Variants in RELN observed in about 807,000 individuals in gnomAD.
The protein encoded by RELN is reelin.
Under a neutral mutation model 427.6 loss-of-function variants are expected in RELN, and 108 were observed. That is an observed-to-expected ratio of 0.25 (90% CI 0.22 to 0.30). The LOEUF is 0.30. Ranked by LOEUF, RELN falls within the 10% of genes least tolerant of loss-of-function variation. The probability of loss-of-function intolerance (pLI) is 1.00; values close to 1 mark genes in which losing one functional copy is unlikely to be tolerated. For missense variants in RELN, 3,715 were observed against 4,302.8 expected, an observed-to-expected ratio of 0.86 and a Z score of 3.82; for synonymous variants, 1,524 against 1,513.4, an observed-to-expected ratio of 1.01 and a Z score of -0.16.
chr7:103,655,849 G>A (rs372014209), intron 12 of RELN, among the ~76,000 whole-genome samples: 4 of 152,060 alleles, frequency 2.6e-5, no homozygotes, highest in Admixed American at 1.3e-4. Context: ...TTCTGGAACC[G>A]CTGCCATTAA....
chr7:103,653,568 A>G (rs1832966700), intron 13 of RELN, among the ~76,000 whole-genome samples: 1 of 152,108 alleles, frequency 6.6e-6, no homozygotes, highest in Non-Finnish European at 1.5e-5. Context: ...TTTACACTTT[A>G]TGACGAGTAT....
chr7:103,904,797 T>A (rs994663962), intron 2 of RELN, among the ~76,000 whole-genome samples: 1 of 152,096 alleles, frequency 6.6e-6, no homozygotes, highest in East Asian at 1.9e-4. Context: ...TCTTCCTTAA[T>A]CATTTCAATT....
intron 1 of RELN, among the ~76,000 whole-genome samples, chr7:103,967,192 G>A (rs1242997153): frequency 6.6e-6 from 1 of 152,210 alleles, no homozygotes. Flanking sequence ...TCTAACCCAT[G>A]GAGACCAATT....
chr7:103,974,189 G>C (rs1339536171), intron 1 of RELN, among the ~76,000 whole-genome samples: 1 of 152,142 alleles, frequency 6.6e-6, no homozygotes, highest in East Asian at 1.9e-4. Context: ...CATTTTCTGT[G>C]ACAGGCATAA....
chr7:103,844,106 T>C (rs1388739193), intron 2 of RELN, among the ~76,000 whole-genome samples: 1 of 152,150 alleles, frequency 6.6e-6, no homozygotes, highest in African/African-American at 2.4e-5. Context: ...AGGAGTCAGA[T>C]TTTACACATA....
At chr7:103,551,833 G>A (rs1239826527) in intron 40 of RELN, among the ~76,000 whole-genome samples, 3 of 151,976 alleles carry the variant, frequency 2.0e-5, no homozygotes, top group African/African-American at 7.3e-5. Context: ...TACTTAAGGT[G>A]TACCCATACT....
Position 103,642,105 on chromosome 7 carries a change from G to A in RELN, c.2003-1496C>T, listed in dbSNP as rs189539783. On this transcript the variant is annotated intron_variant, in intron 16 of 64. Transcript: ENST00000428762. ...TAGAATAGCTTTCTTCACTATTATCGGTAATATAGTCAAGTTGAAAAAATT... is the reference window on the plus strand; with the variant it reads ...TAGAATAGCTTTCTTCACTATTATCAGTAATATAGTCAAGTTGAAAAAATT... 4.1e-3 allele frequency among the ~76,000 whole-genome samples: 623 copies of A among 151,988 alleles called. 7 individuals are homozygous for A. The highest frequency in any genetic ancestry group is 0.014 in the African/African-American group (592 of 41,474).
chr7:103,949,587 T>C (rs909459084), intron 1 of RELN, among the ~76,000 whole-genome samples: 2 of 151,550 alleles, frequency 1.3e-5, no homozygotes, highest in Admixed American at 6.6e-5. Context: ...ACCTTGATCT[T>C]GGACTTCCCA....
chr7:103,596,044 G>A (rs1037138203), intron 25 of RELN, among the ~76,000 whole-genome samples: 2 of 152,070 alleles, frequency 1.3e-5, no homozygotes, highest in Non-Finnish European at 2.9e-5. Flanking sequence ...GATAGCCCTT[G>A]GTGCAGCCAT....
intron 3 of RELN, among the ~76,000 whole-genome samples, chr7:103,832,573 C>T (rs894889398): frequency 6.6e-6 from 1 of 152,092 alleles, no homozygotes; most frequent in Non-Finnish European, 1.5e-5. Flanking sequence ...GGAAAAAGGA[C>T]CCCTGAATAA....
intron 3 of RELN, among the ~76,000 whole-genome samples, chr7:103,797,792 T>C (rs1241352959): frequency 2.6e-5 from 4 of 152,134 alleles, no homozygotes; most frequent in South Asian, 2.1e-4. Flanking sequence ...TATAAAGGAA[T>C]TGTGAAGGGA....
At chr7:103,480,614 G>T (rs79745260) in intron 63 of RELN, among the ~76,000 whole-genome samples, 2,287 of 152,240 alleles carry the variant, frequency 0.015, 67 homozygotes, top group African/African-American at 0.053. Flanking sequence ...TTTATTGAAC[G>T]TAGCTTTGTG....
At chr7:103,863,950 T>C (rs1794132493) in intron 2 of RELN, among the ~76,000 whole-genome samples, 1 of 152,080 alleles carries the variant, frequency 6.6e-6, no homozygotes, top group Non-Finnish European at 1.5e-5. Context: ...AAATGGACTT[T>C]AAATAATACA....
At chr7:103,943,979 ATG>A (rs1796168430) in intron 1 of RELN, among the ~76,000 whole-genome samples, 4 of 151,938 alleles carry the variant, frequency 2.6e-5, no homozygotes, top group Non-Finnish European at 5.9e-5. Flanking sequence ...GACTGGTTTA[ATG>A]CTTCAGCACC....
chr7:103,869,719 T>G (rs989670634), intron 2 of RELN, among the ~76,000 whole-genome samples: 2 of 152,176 alleles, frequency 1.3e-5, no homozygotes, highest in African/African-American at 4.8e-5. Context: ...GTGTGCCTAG[T>G]TATGAATTTC....
At chr7:103,565,649 C>T in intron 33 of RELN, 98 bp from the exon 34 acceptor site, 1 of 1,193,018 alleles carries the variant, frequency 8.4e-7, no homozygotes, top group Non-Finnish European at 1.2e-6. Context: ...AAACAAAAAT[C>T]ATGGCCTATC....
chr7:103,884,160 T>C (rs1794671952), intron 2 of RELN, among the ~76,000 whole-genome samples: 1 of 152,072 alleles, frequency 6.6e-6, no homozygotes, highest in African/African-American at 2.4e-5. Context: ...TTGACAAACC[T>C]GATAAAAACA....
intron 1 of RELN, among the ~76,000 whole-genome samples, chr7:103,922,080 A>C (rs1795628260): frequency 6.6e-6 from 1 of 152,206 alleles, no homozygotes; most frequent in African/African-American, 2.4e-5. Context: ...ACATATAAGA[A>C]TAAAATAAGA....
At chr7:103,638,931 G>A (rs1323839052) in intron 17 of RELN, among the ~76,000 whole-genome samples, 1 of 152,170 alleles carries the variant, frequency 6.6e-6, no homozygotes, top group African/African-American at 2.4e-5. Flanking sequence ...CTGTAATTAT[G>A]GATAGGTCTT....
Sources: gnomAD v4.1 joint callset for allele counts (sites outside exome capture counted in the v4.1 genomes callset) on GRCh38, gnomAD v4.1.1 for gene constraint, MANE v1.5 for transcripts, NCBI Gene and HGNC (gene_info 2026-07-23, HGNC 2026-07-21) for gene names.